HS6ST3: variants seen among roughly 807,000 people sequenced by gnomAD.
HS6ST3 encodes heparan sulfate 6-O-sulfotransferase 3.
HS6ST3 carries 12 observed loss-of-function variants against 36.7 expected under a neutral mutation model. That is an observed-to-expected ratio of 0.33 (90% CI 0.21 to 0.53). The LOEUF is 0.53. HS6ST3 is among the 20% of genes least tolerant of loss of function. The probability of loss-of-function intolerance (pLI) is 0.95; values close to 1 mark genes in which losing one functional copy is unlikely to be tolerated. For synonymous variants in HS6ST3, 240 were observed against 257.5 expected (o/e 0.93, Z 0.65); for missense variants, 584 against 640.9 (o/e 0.91, Z 0.96).
chr13:96,647,741 A>C (rs2056593806), intron 1 of HS6ST3, among the ~76,000 whole-genome samples: 1 of 152,032 alleles, frequency 6.6e-6, no homozygotes, highest in Non-Finnish European at 1.5e-5. Flanking sequence ...ATTCTCTGAA[A>C]TGCTAAATGT....
rs151038042 is a variant in HS6ST3 at position 96,832,940 on chromosome 13, C to T, written c.1158C>T (p.Asn386=). 21 of 1,614,044 alleles carry T rather than the reference C, an allele frequency of 1.3e-5. No individual in the cohort carries two copies. Among genetic ancestry groups the T allele is most frequent in the Middle Eastern group, 1.6e-4 (1 of 6,084 alleles). Residue 386 remains asparagine (N), a synonymous_variant, in exon 2 of 2, where the codon AAC becomes AAT. Coordinates refer to ENST00000376705, the MANE Select transcript of HS6ST3 (RefSeq NM_153456.4). The stretch of plus-strand genomic sequence containing the variant: ...AGTTCAACATCACGCGGGCTTCTAA[C>T]GTGGAGATCAACGAGGGTGCCCGCC... The part of the protein sequence containing the change: ...FTQFNITRAS[N]VEINEGARQR...
At chr13:96,351,717 A>G (rs1366926170) in intron 1 of HS6ST3, among the ~76,000 whole-genome samples, 2 of 152,198 alleles carry the variant, frequency 1.3e-5, no homozygotes, top group Non-Finnish European at 2.9e-5. Flanking sequence ...TTTAGAGGTA[A>G]TATTTACTAC....
At chr13:96,152,441 C>T (rs1413638041) in intron 1 of HS6ST3, among the ~76,000 whole-genome samples, 1 of 150,650 alleles carries the variant, frequency 6.6e-6, no homozygotes, top group African/African-American at 2.4e-5. Context: ...GGGTTCTCGC[C>T]ATTCTCCTGC....
At chr13:96,448,786 T>C (rs151186716) in intron 1 of HS6ST3, among the ~76,000 whole-genome samples, 80 of 152,232 alleles carry the variant, frequency 5.3e-4, no homozygotes, top group African/African-American at 1.9e-3. Context: ...CTGTAGCACT[T>C]TGTGTTGAAA....
At chr13:96,544,933 A>T (rs533403441) in intron 1 of HS6ST3, among the ~76,000 whole-genome samples, 3 of 152,364 alleles carry the variant, frequency 2.0e-5, no homozygotes, top group Non-Finnish European at 2.9e-5. Context: ...AGCTTGCACT[A>T]GAAGAAATAC....
At chr13:96,786,256 A>G (rs887381502) in intron 1 of HS6ST3, among the ~76,000 whole-genome samples, 1 of 151,950 alleles carries the variant, frequency 6.6e-6, no homozygotes, top group African/African-American at 2.4e-5. Flanking sequence ...TTCTTCTCAG[A>G]CCCTCTAACT....
At chr13:96,301,613 C>T (rs536828027) in intron 1 of HS6ST3, among the ~76,000 whole-genome samples, 3 of 152,098 alleles carry the variant, frequency 2.0e-5, no homozygotes, top group African/African-American at 7.2e-5. Flanking sequence ...ATTTTCTGGC[C>T]GGGTGCGGGG....
At chr13:96,338,340 A>G (rs1594757273) in intron 1 of HS6ST3, among the ~76,000 whole-genome samples, 1 of 152,156 alleles carries the variant, frequency 6.6e-6, no homozygotes, top group South Asian at 2.1e-4. Flanking sequence ...TGGCTGCAGT[A>G]TTCGGGGAGC....
intron 1 of HS6ST3, among the ~76,000 whole-genome samples, chr13:96,278,207 C>A (rs2054757942): frequency 6.6e-6 from 1 of 152,126 alleles, no homozygotes; most frequent in South Asian, 2.1e-4. Context: ...CCTTAAACTT[C>A]TTGTACTCAA....
At chr13:96,631,685 G>C (rs546660048) in intron 1 of HS6ST3, among the ~76,000 whole-genome samples, 1 of 152,192 alleles carries the variant, frequency 6.6e-6, no homozygotes, top group Admixed American at 6.5e-5. Context: ...CATGATGACT[G>C]TATGTCATAT....
chr13:96,761,636 A>G (rs1876973604), intron 1 of HS6ST3, among the ~76,000 whole-genome samples: 1 of 152,170 alleles, frequency 6.6e-6, no homozygotes, highest in Admixed American at 6.5e-5. Flanking sequence ...CATGTAAATT[A>G]GGTTTACATC....
intron 1 of HS6ST3, among the ~76,000 whole-genome samples, chr13:96,382,735 A>G (rs4771252): frequency 0.84 from 127,758 of 152,160 alleles, 54,061 homozygotes; most frequent in South Asian, 0.91. Context: ...ACCAGTTAAT[A>G]TTTCTCACTG....
chr13:96,453,602 T>A (rs2055740539), intron 1 of HS6ST3, among the ~76,000 whole-genome samples: 1 of 152,118 alleles, frequency 6.6e-6, no homozygotes, highest in African/African-American at 2.4e-5. Context: ...ACCCATGGTG[T>A]CCTTTCAGTA....
intron 1 of HS6ST3, among the ~76,000 whole-genome samples, chr13:96,261,621 C>T (rs563347407): frequency 9.2e-5 from 14 of 152,160 alleles, no homozygotes; most frequent in Non-Finnish European, 1.5e-5. Context: ...GGCAGCTGAA[C>T]GATTTTGCAT....
chr13:96,317,657 A>AACT (rs1287196144), intron 1 of HS6ST3, among the ~76,000 whole-genome samples: 11 of 151,022 alleles, frequency 7.3e-5, no homozygotes, highest in Non-Finnish European at 1.3e-4. Context: ...ACGGTGGCCG[A>AACT]ACTAATTTAC....
intron 1 of HS6ST3, among the ~76,000 whole-genome samples, chr13:96,153,814 A>G (rs1043164485): frequency 1.3e-5 from 2 of 152,226 alleles, no homozygotes; most frequent in Non-Finnish European, 2.9e-5. Flanking sequence ...TTCCAACCAG[A>G]ATATTTATGC....
intron 1 of HS6ST3, among the ~76,000 whole-genome samples, chr13:96,481,108 A>G (rs1253460336): frequency 6.6e-6 from 1 of 152,124 alleles, no homozygotes; most frequent in Non-Finnish European, 1.5e-5. Flanking sequence ...TTCTCTGCAT[A>G]ATAATTTTCG....
At chr13:96,327,100 T>C (rs1352454161) in intron 1 of HS6ST3, among the ~76,000 whole-genome samples, 1 of 145,734 alleles carries the variant, frequency 6.9e-6, no homozygotes, top group African/African-American at 2.6e-5. Flanking sequence ...GATGAGTAGG[T>C]TGTGAAAATT....
intron 1 of HS6ST3, among the ~76,000 whole-genome samples, chr13:96,240,387 A>C (rs1172914004): frequency 6.6e-6 from 1 of 152,156 alleles, no homozygotes; most frequent in Non-Finnish European, 1.5e-5. Flanking sequence ...CAAGAGAAAT[A>C]AGCTTTAGTA....
Sources: allele counts gnomAD v4.1 joint callset (sites outside exome capture counted in the v4.1 genomes callset), GRCh38; gene constraint gnomAD v4.1.1; transcripts MANE v1.5; gene names NCBI Gene and HGNC (gene_info 2026-07-23, HGNC 2026-07-21).